PAPPA2: variants seen among roughly 807,000 people sequenced by gnomAD.
PAPPA2 encodes the protein pappalysin-2.
In PAPPA2, 86 loss-of-function variants were observed where a neutral mutation model predicts 176.4. The ratio of observed to expected loss-of-function variants is 0.49; its 90% CI spans 0.41 to 0.58. The LOEUF (loss-of-function observed/expected upper bound fraction) is 0.58. PAPPA2 is among the 20% of genes least tolerant of loss of function. The pLI is 0.00. For synonymous variants in PAPPA2, 809 were observed against 852.2 expected, an observed-to-expected ratio of 0.95 and a Z score of 0.88; for missense variants, 2,073 against 2,256.9, an observed-to-expected ratio of 0.92 and a Z score of 1.65.
intron 21 of PAPPA2, among the ~76,000 whole-genome samples, chr1:176,808,163 G>A (rs1447578182): frequency 6.6e-6 from 1 of 152,022 alleles, no homozygotes; most frequent in African/African-American, 2.4e-5. Flanking sequence ...AAATGCTTAA[G>A]AATTATATAG....
At chr1:176,796,622 T>TTCTG (rs1305810621) in intron 20 of PAPPA2, among the ~76,000 whole-genome samples, 1 of 151,212 alleles carries the variant, frequency 6.6e-6, no homozygotes. Flanking sequence ...TTTCTTTTCT[T>TTCTG]TCTTTCTTTT....
rs556328589 is a variant in PAPPA2, at chr1:176,550,622, C to T, written c.-916-4785C>T. Among the ~76,000 whole-genome samples the T allele has an allele frequency of 2.6e-5, 4 of 152,306 alleles. No individual in the cohort carries two copies. The South Asian group carries it at 6.2e-4, about 24-fold the overall frequency. ...GAGGTGTTGGGAAACTTAACCTGTC[C>T]ATGACATACTTTGATCTATTTGGAT... On this transcript the variant is annotated intron_variant, in intron 1 of 22. Coordinates refer to ENST00000367662, the MANE Select transcript of PAPPA2 (RefSeq NM_020318.3).
chr1:176,597,207 C>T (rs902984823), intron 3 of PAPPA2, among the ~76,000 whole-genome samples: 1 of 152,158 alleles, frequency 6.6e-6, no homozygotes, highest in African/African-American at 2.4e-5. Context: ...GCAAGTTACG[C>T]AAGTCACGTT....
At chr1:176,500,488 C>G (rs575554597) in intron 1 of PAPPA2, among the ~76,000 whole-genome samples, 1 of 117,192 alleles carries the variant, frequency 8.5e-6, no homozygotes, top group Non-Finnish European at 1.7e-5. Context: ...TATATATATA[C>G]ATTTATATAT....
chr1:176,777,342 C>G (rs920493349), intron 17 of PAPPA2, among the ~76,000 whole-genome samples: 2 of 152,136 alleles, frequency 1.3e-5, no homozygotes, highest in African/African-American at 4.8e-5. Context: ...TCCGCATGAA[C>G]AGCCAAGGTT....
intron 20 of PAPPA2, among the ~76,000 whole-genome samples, chr1:176,795,764 T>A (rs905862714): frequency 3.9e-5 from 6 of 152,216 alleles, no homozygotes; most frequent in Admixed American, 2.6e-4. Flanking sequence ...TATGAATTAG[T>A]GAGGTCCAAA....
intron 2 of PAPPA2, among the ~76,000 whole-genome samples, chr1:176,578,405 G>A (rs1422312243): frequency 6.6e-6 from 1 of 152,152 alleles, no homozygotes; most frequent in Non-Finnish European, 1.5e-5. Context: ...GCACTTGCAA[G>A]GTTACTAGGG....
chr1:176,608,014 A>C (rs1280549980), intron 3 of PAPPA2, among the ~76,000 whole-genome samples: 1 of 152,224 alleles, frequency 6.6e-6, no homozygotes, highest in South Asian at 2.1e-4. Context: ...AACTGGGGAT[A>C]TCTGAACAAG....
chr1:176,742,255 G>A (rs954700907), intron 14 of PAPPA2, among the ~76,000 whole-genome samples: 1 of 152,034 alleles, frequency 6.6e-6, no homozygotes, highest in Non-Finnish European at 1.5e-5. Flanking sequence ...TGTTTTGGAT[G>A]ACAGTTGCCG....
intron 14 of PAPPA2, among the ~76,000 whole-genome samples, chr1:176,749,087 A>AC (rs377764052): frequency 2.6e-5 from 4 of 152,230 alleles, no homozygotes; most frequent in African/African-American, 7.2e-5. Flanking sequence ...CACATACACC[A>AC]ATGTGGTCAT....
At chr1:176,806,956 C>G (rs942603879) in intron 21 of PAPPA2, among the ~76,000 whole-genome samples, 3 of 152,134 alleles carry the variant, frequency 2.0e-5, no homozygotes, top group Non-Finnish European at 2.9e-5. Flanking sequence ...TTTTGGAAAT[C>G]TGTTAGTACT....
At chr1:176,574,034 C>A (rs545003580) in intron 2 of PAPPA2, among the ~76,000 whole-genome samples, 1 of 151,778 alleles carries the variant, frequency 6.6e-6, no homozygotes, top group African/African-American at 2.4e-5. Flanking sequence ...GAGAGGATAC[C>A]GTTGACATCT....
At chr1:176,760,580 C>A (rs911120277) in intron 14 of PAPPA2, among the ~76,000 whole-genome samples, 10 of 152,102 alleles carry the variant, frequency 6.6e-5, no homozygotes, top group African/African-American at 2.4e-4. Context: ...GTCTAATGCA[C>A]AGCTATGGTA....
At chr1:176,819,517 C>T (rs775657721) in intron 21 of PAPPA2, among the ~76,000 whole-genome samples, 7 of 152,158 alleles carry the variant, frequency 4.6e-5, no homozygotes, top group Non-Finnish European at 1.0e-4. Flanking sequence ...TAACATTTAA[C>T]TCTTATGAAA....
rs761341380 is a variant in PAPPA2 at position 176,692,151 on chromosome 1, T to G, written c.2457T>G (p.Thr819=). Residue 819 remains threonine, a synonymous_variant, in exon 6 of 23, where the codon ACT becomes ACG. Transcript: ENST00000367662. ...ATGATAACTGCACTGACAACTTCAC[T>G]CCTAACCAAGTGGCCCGAATGCATT... is the stretch of plus-strand genomic sequence containing the variant. The part of the protein sequence containing the change: ...YTDDNCTDNF[T]PNQVARMHCY... 1.9e-6 allele frequency: 3 copies of G among 1,613,712 alleles called. No individual in the cohort carries two copies. Among genetic ancestry groups the G allele is most frequent in the Non-Finnish European group, 2.5e-6 (3 of 1,179,852 alleles).
intron 1 of PAPPA2, among the ~76,000 whole-genome samples, chr1:176,486,345 G>C (rs1443835830): frequency 3.3e-5 from 5 of 152,180 alleles, no homozygotes; most frequent in African/African-American, 4.8e-5. Flanking sequence ...ATATGTGTGA[G>C]AATCTGTGCC....
intron 4 of PAPPA2, among the ~76,000 whole-genome samples, chr1:176,680,746 C>A (rs1659547027): frequency 6.6e-6 from 1 of 152,254 alleles, no homozygotes. Context: ...AAAACAAATA[C>A]TTGGGAAATG....
intron 3 of PAPPA2, 131 bp from the exon 4 acceptor site, chr1:176,670,839 T>G (rs1573226337): frequency 9.1e-7 from 1 of 1,095,344 alleles, no homozygotes; most frequent in Non-Finnish European, 1.3e-6. Flanking sequence ...GACAGGCTGG[T>G]CTCTGCCCCA....
intron 21 of PAPPA2, among the ~76,000 whole-genome samples, chr1:176,805,216 G>A (rs1665851497): frequency 6.6e-6 from 1 of 152,026 alleles, no homozygotes; most frequent in Admixed American, 6.6e-5. Context: ...TGTACCTAGG[G>A]ATAAAGACTT....
Sources: allele counts gnomAD v4.1 joint callset (sites outside exome capture counted in the v4.1 genomes callset), GRCh38; gene constraint gnomAD v4.1.1; transcripts MANE v1.5; gene names NCBI Gene and HGNC (gene_info 2026-07-23, HGNC 2026-07-21).